CDH7: variants seen among roughly 807,000 people sequenced by gnomAD.
The protein encoded by CDH7 is cadherin-7.
In CDH7, 25 loss-of-function variants were observed where a neutral mutation model predicts 71.8. The observed-to-expected ratio is 0.35, with a 90% CI of 0.25 to 0.49. The LOEUF (loss-of-function observed/expected upper bound fraction) is 0.49. Among genes scored for constraint, CDH7 ranks in the 20% least tolerant of loss-of-function variants. CDH7 has a pLI of 0.99. For missense variants in CDH7, 862 were observed against 974.6 expected, an observed-to-expected ratio of 0.88 and a Z score of 1.54; for synonymous variants, 381 against 363.8, an observed-to-expected ratio of 1.05 and a Z score of -0.54.
chr18:65,763,164 C>T, intron 2 of CDH7, 112 bp downstream of exon 2: 1 of 536,022 alleles, frequency 1.9e-6, no homozygotes, highest in Non-Finnish European at 3.0e-6. Context: ...GGATGGTAAA[C>T]ACAAGACATC....
intron 7 of CDH7, among the ~76,000 whole-genome samples, chr18:65,857,362 A>G (rs1913402896): frequency 8.1e-6 from 1 of 123,666 alleles, no homozygotes; most frequent in South Asian, 3.1e-4. Context: ...TAATAATAAT[A>G]AAATAGCCAA....
chr18:65,814,822 A>G (rs963565380), intron 4 of CDH7, among the ~76,000 whole-genome samples: 27 of 151,802 alleles, frequency 1.8e-4, no homozygotes, highest in South Asian at 2.1e-4. Flanking sequence ...AAATAATGCT[A>G]TATATTCAAA....
chr18:65,852,140 T>G (rs528600598), intron 7 of CDH7, among the ~76,000 whole-genome samples: 4 of 149,406 alleles, frequency 2.7e-5, no homozygotes, highest in African/African-American at 1.0e-4. Flanking sequence ...TGAGTTTAGA[T>G]AGGAAAGCAG....
At chr18:65,764,920 G>C (rs973873854) in intron 2 of CDH7, among the ~76,000 whole-genome samples, 3 of 151,976 alleles carry the variant, frequency 2.0e-5, no homozygotes, top group Admixed American at 1.3e-4. Flanking sequence ...TTATGAAGAG[G>C]TGTGTCCCTA....
At chr18:65,763,550 A>G (rs1443694774) in intron 2 of CDH7, among the ~76,000 whole-genome samples, 1 of 151,718 alleles carries the variant, frequency 6.6e-6, no homozygotes, top group Admixed American at 6.6e-5. Context: ...TAAATTATGA[A>G]CAATTTAAAC....
At chr18:65,773,204 G>A (rs752922469) in intron 2 of CDH7, among the ~76,000 whole-genome samples, 2 of 151,862 alleles carry the variant, frequency 1.3e-5, no homozygotes, top group Non-Finnish European at 2.9e-5. Flanking sequence ...GCATCATCTT[G>A]GAATTCACCA....
intron 2 of CDH7, among the ~76,000 whole-genome samples, chr18:65,782,410 G>A (rs979511348): frequency 1.3e-5 from 2 of 151,756 alleles, no homozygotes; most frequent in Non-Finnish European, 2.9e-5. Context: ...CACCTGCCTC[G>A]GCCTCCCAAA....
intron 7 of CDH7, among the ~76,000 whole-genome samples, chr18:65,848,022 G>A (rs929500577): frequency 7.2e-5 from 11 of 151,846 alleles, no homozygotes; most frequent in African/African-American, 1.2e-4. Context: ...GCACGTTTCC[G>A]GCTTGTTATT....
chr18:65,815,064 ATG>A (rs1911675600), intron 4 of CDH7, among the ~76,000 whole-genome samples: 2 of 152,312 alleles, frequency 1.3e-5, no homozygotes, highest in South Asian at 4.1e-4. Flanking sequence ...AATTAGGGTG[ATG>A]ATCTGCCAAA....
chr18:65,816,287 C>A (rs1483936657), intron 4 of CDH7, among the ~76,000 whole-genome samples: 1 of 151,844 alleles, frequency 6.6e-6, no homozygotes, highest in Non-Finnish European at 1.5e-5. Context: ...GTCCTCTCTG[C>A]TAATTTATAA....
intron 11 of CDH7, among the ~76,000 whole-genome samples, chr18:65,876,015 T>C (rs1408952201): frequency 6.6e-6 from 1 of 151,960 alleles, no homozygotes; most frequent in East Asian, 1.9e-4. Flanking sequence ...CGCAGTAGGG[T>C]GTTGTAGTTT....
rs1568182791 is a variant in CDH7 at position 65,782,176 on chromosome 18, T to TTCTC, written c.210+19127_210+19128insCTCT. Among the ~76,000 whole-genome samples the TTCTC allele has an allele frequency of 8.8e-4, 118 of 134,636 alleles. 17 individuals carry two copies. Among genetic ancestry groups the TTCTC allele is most frequent in the African/African-American group, 3.8e-3 (115 of 30,502 alleles). The allele number at this position is 134,636 out of a possible 152,430, so 88.3% of individuals were successfully genotyped here. On this transcript the variant is annotated intron_variant, in intron 2 of 11. Transcript: ENST00000397968. ...TTTCTTTCTTTCTTCCTTTCTTTCT[T>TTCTC]TCTTTCTTTCTTGACAGAGTCTCAC...
intron 2 of CDH7, among the ~76,000 whole-genome samples, chr18:65,767,374 T>A (rs1916409340): frequency 6.6e-6 from 1 of 152,158 alleles, no homozygotes; most frequent in South Asian, 2.1e-4. Context: ...TGTTTATTTT[T>A]AAAAACTTGA....
chr18:65,782,179 T>TTTCTTTCTTTCC (rs1910334147), intron 2 of CDH7, among the ~76,000 whole-genome samples: 1 of 137,082 alleles, frequency 7.3e-6, no homozygotes, highest in African/African-American at 3.2e-5. Context: ...TCTTTCTTTC[T>TTTCTTTCTTTCC]TTCTTTCTTG....
chr18:65,806,759 T>G (rs966633160), intron 2 of CDH7, among the ~76,000 whole-genome samples: 5 of 152,208 alleles, frequency 3.3e-5, no homozygotes, highest in Non-Finnish European at 7.3e-5. Flanking sequence ...AACATTTCTC[T>G]TCTTTGCTGA....
intron 6 of CDH7, among the ~76,000 whole-genome samples, chr18:65,829,775 A>AGTGTGT (rs3061822): frequency 0.03 from 4,076 of 138,124 alleles, 64 homozygotes; most frequent in African/African-American, 0.044. Context: ...CAAGGAAGGG[A>AGTGTGT]GTGTGTGTGT....
intron 3 of CDH7, among the ~76,000 whole-genome samples, chr18:65,811,905 ATTAT>A (rs1911551678): frequency 1.3e-5 from 2 of 149,644 alleles, no homozygotes; most frequent in South Asian, 4.2e-4. Flanking sequence ...AATAAATTAT[ATTAT>A]TTAAGTGTGC....
chr18:65,758,722 A>G (rs1199641837), intron 1 of CDH7, among the ~76,000 whole-genome samples: 3 of 152,238 alleles, frequency 2.0e-5, no homozygotes, highest in Non-Finnish European at 2.9e-5. Context: ...AATTTTCTTG[A>G]AAGTGATTGT....
intron 8 of CDH7, among the ~76,000 whole-genome samples, chr18:65,858,203 T>A (rs897311825): frequency 8.5e-5 from 13 of 152,292 alleles, no homozygotes; most frequent in Admixed American, 2.6e-4. Context: ...GATTTCTTTT[T>A]TTCTGATCAT....
Sources: gnomAD v4.1 joint callset for allele counts (sites outside exome capture counted in the v4.1 genomes callset) on GRCh38, gnomAD v4.1.1 for gene constraint, MANE v1.5 for transcripts, NCBI Gene and HGNC (gene_info 2026-07-23, HGNC 2026-07-21) for gene names.